ATP1A1: variants seen among roughly 807,000 people sequenced by gnomAD.
ATP1A1 encodes the protein ATPase Na+/K+ transporting subunit alpha 1, also known as sodium/potassium-transporting ATPase subunit alpha-1.
ATP1A1 carries 14 observed loss-of-function variants against 114.8 expected under a neutral mutation model. The ratio of observed to expected loss-of-function variants is 0.12; its 90% confidence interval spans 0.08 to 0.19. The LOEUF (loss-of-function observed/expected upper bound fraction) is 0.19. Ranked by LOEUF, ATP1A1 falls within the 10% of genes least tolerant of loss-of-function variation. ATP1A1 has a pLI of 1.00. For synonymous variants in ATP1A1, 471 were observed against 466.3 expected (o/e 1.01, Z -0.13); for missense variants, 524 against 1,290.7 (o/e 0.41, Z 9.10).
chr1:116,403,824 T>C, intron 21 of ATP1A1, 60 bp from the exon 22 acceptor site: 2 of 1,439,646 alleles, frequency 1.4e-6, no homozygotes, highest in South Asian at 2.4e-5. Context: ...GTGCAATTTC[T>C]CTTTCTTTAT....
chr1:116,390,521 T>TTTTA, intron 9 of ATP1A1, 110 bp downstream of exon 9: 1 of 1,122,906 alleles, frequency 8.9e-7, no homozygotes, highest in Non-Finnish European at 1.2e-6. Flanking sequence ...CATGGCAGCT[T>TTTTA]TTTCTTTCTT....
chr1:116,397,805 A>C lies in ATP1A1; in HGVS notation c.1974-83A>C. 1.3e-6 allele frequency: 2 copies of C among 1,492,344 alleles called. No individual in the cohort carries two copies. The highest frequency in any genetic ancestry group is 1.8e-6 in the Non-Finnish European group (2 of 1,107,128). The allele number at this position is 1,492,344 out of a possible 1,614,324, so 92.4% of individuals were successfully genotyped here. On this transcript the variant is annotated intron_variant, in intron 14 of 22. Transcript: ENST00000295598. The surrounding 1 kb of genome is among the most constrained non-coding windows in gnomAD (Gnocchi z 4.2). ...TTGTTTTGTTTACAAAGTGATCTGCATAAGAATATCCCCTCTTGAGGTGAT... is the reference window on the plus strand; with the variant it reads ...TTGTTTTGTTTACAAAGTGATCTGCCTAAGAATATCCCCTCTTGAGGTGAT...
intron 1 of ATP1A1, among the ~76,000 whole-genome samples, chr1:116,377,143 AC>A (rs1157302498): frequency 6.6e-6 from 1 of 152,264 alleles, no homozygotes; most frequent in Non-Finnish European, 1.5e-5. Context: ...TCACTTAAAA[AC>A]AAACAGGTTT....
chr1:116,374,391 C>T (rs1269693126), intron 1 of ATP1A1: 5 of 1,179,548 alleles, frequency 4.2e-6, no homozygotes, highest in African/African-American at 1.5e-5. Flanking sequence ...CCACCAGGGC[C>T]TCAGGGTACA....
chr1:116,390,916 AG>A, intron 10 of ATP1A1, 25 bp downstream of exon 10: 2 of 1,586,206 alleles, frequency 1.3e-6, no homozygotes, highest in Non-Finnish European at 1.7e-6. Flanking sequence ...TAACTAATGG[AG>A]GGATGTAGAC....
intron 1 of ATP1A1, among the ~76,000 whole-genome samples, chr1:116,382,049 C>T (rs919462819): frequency 6.6e-6 from 1 of 152,082 alleles, no homozygotes; most frequent in African/African-American, 2.4e-5. Flanking sequence ...GTGGCGAGCG[C>T]CTATAATCCC....
At position 116,388,266 on chromosome 1, in the gene ATP1A1, C is replaced by A; in HGVS notation, c.501+22C>A. On this transcript the variant is annotated intron_variant, in intron 5 of 22. Transcript: ENST00000295598. This position sits in a 1 kb window ranked among gnomAD's most constrained non-coding sequence, Gnocchi z 5.6. ...TCAGGTACCAGACGCTTTGTCCTTC[C>A]CCAGTGGATGACTTGACAGCCCCAA... The A allele has an allele frequency of 6.4e-7, 1 of 1,558,928 alleles. No homozygotes were observed. Among genetic ancestry groups the A allele is most frequent in the Non-Finnish European group, 8.8e-7 (1 of 1,130,132 alleles).
intron 1 of ATP1A1, chr1:116,373,940 CCTT>C (rs1651174299): frequency 2.2e-6 from 3 of 1,337,830 alleles, no homozygotes; most frequent in Non-Finnish European, 2.9e-6. Context: ...GCCGTCACCT[CCTT>C]CTCCTTCCTT....
At chr1:116,380,576 C>T (rs143884589) in intron 1 of ATP1A1, among the ~76,000 whole-genome samples, 190 of 152,176 alleles carry the variant, frequency 1.2e-3, no homozygotes, top group African/African-American at 4.3e-3. Context: ...AACCCTGTCC[C>T]CATTAAATGG....
Position 116,384,406 on chromosome 1 carries a change from A to T in ATP1A1, c.123+282A>T, listed in dbSNP as rs1397412071. Among the ~76,000 whole-genome samples, 1 of 152,216 alleles carries T rather than the reference A, an allele frequency of 6.6e-6. No homozygotes were observed. The highest frequency in any genetic ancestry group is 1.5e-5 in the Non-Finnish European group (1 of 68,030). ...TGCTTTTCTCTGTATTATATCAAAC[A>T]TTGGGAAATTCAGCCTCTCCAGGCG... On this transcript the variant is annotated intron_variant, in intron 2 of 22. Coordinates refer to ENST00000295598, the MANE Select transcript of ATP1A1 (RefSeq NM_000701.8). This position sits in a 1 kb window ranked among gnomAD's most constrained non-coding sequence, Gnocchi z 5.1.
rs1008500689 is a variant in ATP1A1 at position 116,395,028 on chromosome 1, T to TA, written c.1661-81dup. 9.9e-6 allele frequency: 14 copies of TA among 1,414,614 alleles called. No homozygotes were observed. The African/African-American group carries it at 1.7e-4, about 18-fold the overall frequency. The allele number at this position is 1,414,614 out of a possible 1,614,324, so 87.6% of individuals were successfully genotyped here. On this transcript the variant is annotated intron_variant, in intron 12 of 22. Transcript: ENST00000295598. This position sits in a 1 kb window ranked among gnomAD's most constrained non-coding sequence, Gnocchi z 6.4. ...CCAAAGTAAACACTCCAGAGAAAGG[T>TA]AGGCGGGCTGAATAGGCTGCTGTTG...
In ATP1A1 at chr1:116,396,789, T is replaced by G; in HGVS notation, c.1973+55T>G. ...CTGTGAACAAGCAAATAGTGATGGT[T>G]TAAAATCTTCAGCGTGGTTCTATAA... On this transcript the variant is annotated intron_variant, in intron 14 of 22. Transcript: ENST00000295598. 3.3e-6 allele frequency: 5 copies of G among 1,495,054 alleles called. No individual in the cohort carries two copies. The Middle Eastern group carries it at 9.1e-4, about 271-fold the overall frequency. 92.6% of individuals were successfully genotyped at this position (1,495,054 alleles called of 1,614,324 possible).
At chr1:116,396,562 GC>G (rs765593848) in intron 13 of ATP1A1, 35 bp from the exon 14 acceptor site, 2 of 1,609,726 alleles carry the variant, frequency 1.2e-6, no homozygotes, top group South Asian at 2.2e-5. Flanking sequence ...CATTTACTTG[GC>G]AGTTGCATTC....
At position 116,401,269 on chromosome 1, in the gene ATP1A1, T is replaced by G. The variant is rs1653453042; in HGVS notation, c.2849+9T>G. On this transcript the variant is annotated intron_variant, in intron 20 of 22. Coordinates refer to ENST00000295598, the MANE Select transcript of ATP1A1 (RefSeq NM_000701.8). The surrounding 1 kb of genome is among the most constrained non-coding windows in gnomAD (Gnocchi z 4.7). ...TTCCAGCAGGGGATGAAGTAAGTAATGAAGGACATGTCAAGGCCTTGGCTC... is the reference window on the plus strand; with the variant it reads ...TTCCAGCAGGGGATGAAGTAAGTAAGGAAGGACATGTCAAGGCCTTGGCTC... 1.2e-6 allele frequency: 2 copies of G among 1,614,050 alleles called. No homozygotes were observed. The highest frequency in any genetic ancestry group is 1.3e-5 in the African/African-American group (1 of 74,916).
chr1:116,401,028 G>C lies in ATP1A1; in HGVS notation c.2718+22G>C, dbSNP rs1365425498. Reference sequence around the variant, plus strand: ...GTGGGTGAGTGGGCACCTCTGACCTGACCAGTGTCAGAGCTCCTCAAGCCC... The same window carrying C: ...GTGGGTGAGTGGGCACCTCTGACCTCACCAGTGTCAGAGCTCCTCAAGCCC... On this transcript the variant is annotated intron_variant, in intron 19 of 22. Coordinates refer to ENST00000295598, the MANE Select transcript of ATP1A1 (RefSeq NM_000701.8). This position sits in a 1 kb window ranked among gnomAD's most constrained non-coding sequence, Gnocchi z 4.7. 3 of 1,613,888 alleles carry C rather than the reference G, an allele frequency of 1.9e-6. No homozygotes were observed. The highest frequency in any genetic ancestry group is 2.2e-5 in the South Asian group (2 of 91,066).
intron 1 of ATP1A1, among the ~76,000 whole-genome samples, chr1:116,378,541 C>T (rs1265051896): frequency 8.5e-6 from 1 of 117,366 alleles, no homozygotes; most frequent in Admixed American, 8.5e-5. Flanking sequence ...GCTGTGATTG[C>T]TCTTTCTAGT....
chr1:116,375,528 C>CAA (rs1651307578), intron 1 of ATP1A1, among the ~76,000 whole-genome samples: 1 of 152,220 alleles, frequency 6.6e-6, no homozygotes, highest in Non-Finnish European at 1.5e-5. Flanking sequence ...TGTCTTACAA[C>CAA]AAAATGTATA....
Position 116,397,855 on chromosome 1 carries a change from G to A in ATP1A1, c.1974-33G>A, listed in dbSNP as rs373912666. ...TGGACACATGCTGGTGATGTGATGC[G>A]TGACTTTTTTTTTTTTTTTGTCCTA... On this transcript the variant is annotated intron_variant, in intron 14 of 22. Coordinates refer to ENST00000295598, the MANE Select transcript of ATP1A1 (RefSeq NM_000701.8). This position sits in a 1 kb window ranked among gnomAD's most constrained non-coding sequence, Gnocchi z 4.2. 18 of 1,577,326 alleles carry A rather than the reference G, an allele frequency of 1.1e-5. No homozygotes were observed. Among genetic ancestry groups the A allele is most frequent in the South Asian group, 5.6e-5 (5 of 89,134 alleles).
chr1:116,382,881 A>T (rs1363244100), intron 1 of ATP1A1, among the ~76,000 whole-genome samples: 1 of 152,226 alleles, frequency 6.6e-6, no homozygotes, highest in African/African-American at 2.4e-5. Context: ...TAATAGCACC[A>T]TATGTCATGC....
Sources: gnomAD v4.1 joint callset for allele counts (sites outside exome capture counted in the v4.1 genomes callset) on GRCh38, gnomAD v4.1.1 for gene constraint, Gnocchi (gnomAD v3.1) non-coding constraint, MANE v1.5 for transcripts, NCBI Gene and HGNC (gene_info 2026-07-23, HGNC 2026-07-21) for gene names.